The following FUT9 variants were observed in gnomAD, a reference collection of about 807,000 sequenced individuals.
FUT9 encodes 4-galactosyl-N-acetylglucosaminide 3-alpha-L-fucosyltransferase 9.
In FUT9, 15 loss-of-function variants were observed where a neutral mutation model predicts 29.7. The ratio of observed to expected loss-of-function variants is 0.51; its 90% CI spans 0.34 to 0.78. FUT9 has a LOEUF of 0.78. Among genes scored for constraint, FUT9 ranks in the 30% least tolerant of loss-of-function variants. The pLI, the probability that FUT9 is intolerant of heterozygous loss-of-function variation, is 0.01. For synonymous variants in FUT9, 169 were observed against 153.7 expected (o/e 1.10, Z -0.74); for missense variants, 319 against 425.4 (o/e 0.75, Z 2.20).
chr6:96,119,377 C>A lies in FUT9; in HGVS notation c.-9+5250C>A, dbSNP rs540384210. On this transcript the variant is annotated intron_variant, in intron 2 of 2. Coordinates refer to ENST00000302103, the MANE Select transcript of FUT9 (RefSeq NM_006581.4). ...ATGCTATAAGTTTGTAGCCTAGAAA[C>A]AATAGCCTAAGTGTGTAGCAGGCAA... Among the ~76,000 whole-genome samples, 326 of 152,246 alleles carry A rather than the reference C, an allele frequency of 2.1e-3. 4 individuals are homozygous for A. Among genetic ancestry groups the A allele is most frequent in the Middle Eastern group, 6.8e-3 (2 of 294 alleles).
intron 1 of FUT9, among the ~76,000 whole-genome samples, chr6:96,016,558 A>C (rs1405842282): frequency 6.6e-6 from 1 of 151,940 alleles, no homozygotes; most frequent in East Asian, 1.9e-4. Context: ...TTCCCACCTT[A>C]TGCCAGTGCA....
At chr6:96,034,885 T>G (rs1163040980) in intron 1 of FUT9, among the ~76,000 whole-genome samples, 4 of 151,772 alleles carry the variant, frequency 2.6e-5, no homozygotes, top group African/African-American at 9.7e-5. Flanking sequence ...AGATCAGTTT[T>G]GGAACAATGG....
chr6:96,207,067 C>G lies in FUT9; in HGVS notation c.*2832C>G, dbSNP rs1403587291. The G allele has an allele frequency of 6.0e-6, 1 of 166,848 alleles. No individual in the cohort carries two copies. The highest frequency in any genetic ancestry group is 6.6e-5 in the Admixed American group (1 of 15,252). 10.3% of individuals were successfully genotyped at this position (166,848 alleles called of 1,614,324 possible). Reference sequence around the variant, plus strand: ...GAAGAATTAAATGACTCAATGGAACCCTTTAGCTGTGGGTCCATTGATGTG... The same window carrying G: ...GAAGAATTAAATGACTCAATGGAACGCTTTAGCTGTGGGTCCATTGATGTG... On this transcript the variant is annotated 3_prime_UTR_variant, in exon 3 of 3. Coordinates refer to ENST00000302103, the MANE Select transcript of FUT9 (RefSeq NM_006581.4).
At chr6:96,052,828 C>T (rs1770695839) in intron 1 of FUT9, among the ~76,000 whole-genome samples, 1 of 151,854 alleles carries the variant, frequency 6.6e-6, no homozygotes, top group South Asian at 2.1e-4. Flanking sequence ...AATTTGTCAA[C>T]TTTTCTTCAT....
At chr6:96,064,370 G>T (rs2127945369) in intron 1 of FUT9, among the ~76,000 whole-genome samples, 1 of 152,252 alleles carries the variant, frequency 6.6e-6, no homozygotes, top group Non-Finnish European at 1.5e-5. Flanking sequence ...TGTGGAAAAT[G>T]ATGTGTTTTC....
At position 96,203,196 on chromosome 6, in the gene FUT9, T is replaced by C; in HGVS notation, c.41T>C (p.Ile14Thr). Residue 14 changes from isoleucine (I) to threonine (T), a missense_variant, in exon 3 of 3, where the codon ATT becomes ACT. Ile to Thr is a moderately conservative substitution (Grantham distance 89). Coordinates refer to ENST00000302103, the MANE Select transcript of FUT9 (RefSeq NM_006581.4). ...TSKGILRPFL[I>T]VCIILGCFMA... ...AAAGGAATTCTTCGCCCATTTTTAA[T>C]TGTCTGCATTATCCTGGGCTGTTTC... 1 of 1,604,844 alleles carries C rather than the reference T, an allele frequency of 6.2e-7. No individual in the cohort carries two copies. The highest frequency in any genetic ancestry group is 8.5e-7 in the Non-Finnish European group (1 of 1,173,618).
intron 2 of FUT9, among the ~76,000 whole-genome samples, chr6:96,187,093 A>T (rs5009882): frequency 0.91 from 138,730 of 151,796 alleles, 64,695 homozygotes; most frequent in Non-Finnish European, 1. Flanking sequence ...GTTACCAGCC[A>T]AGCCTAATGT....
chr6:96,050,121 A>G (rs961381447), intron 1 of FUT9, among the ~76,000 whole-genome samples: 23 of 152,042 alleles, frequency 1.5e-4, no homozygotes, highest in African/African-American at 5.6e-4. Flanking sequence ...TGCATGCTCC[A>G]TCACCACACT....
At chr6:96,125,014 T>C (rs1403999305) in intron 2 of FUT9, among the ~76,000 whole-genome samples, 2 of 152,154 alleles carry the variant, frequency 1.3e-5, no homozygotes, top group African/African-American at 4.8e-5. Context: ...TCAGACAGAA[T>C]AACAAGAGAC....
At chr6:96,110,815 C>CTATTTTTTTTTTATTTATTTATTTATT (rs11283884) in intron 1 of FUT9, among the ~76,000 whole-genome samples, 5 of 145,046 alleles carry the variant, frequency 3.4e-5, no homozygotes, top group Non-Finnish European at 6.0e-5. Flanking sequence ...ACAAATGTGC[C>CTATTTTTTTTTTATTTATTTATTTATT]TATTTATTTA....
intron 2 of FUT9, among the ~76,000 whole-genome samples, chr6:96,144,349 T>A (rs954450633): frequency 2.0e-5 from 3 of 152,180 alleles, no homozygotes; most frequent in Non-Finnish European, 4.4e-5. Context: ...GGCCATTATA[T>A]CTTCTTTGTG....
intron 2 of FUT9, among the ~76,000 whole-genome samples, chr6:96,160,911 G>A (rs1050715329): frequency 6.6e-6 from 1 of 151,988 alleles, no homozygotes; most frequent in African/African-American, 2.4e-5. Context: ...TATGGGTGAC[G>A]GACAGAAATA....
chr6:96,193,248 C>T (rs1489255790), intron 2 of FUT9, among the ~76,000 whole-genome samples: 3 of 135,814 alleles, frequency 2.2e-5, no homozygotes, highest in Non-Finnish European at 4.7e-5. Context: ...AAAGAAACTA[C>T]CATCAGAGTG....
At chr6:96,168,088 T>C (rs542518763) in intron 2 of FUT9, among the ~76,000 whole-genome samples, 4 of 152,290 alleles carry the variant, frequency 2.6e-5, no homozygotes, top group Admixed American at 6.5e-5. Flanking sequence ...TCAGGTAAGA[T>C]AGAGAAAGAA....
intron 1 of FUT9, among the ~76,000 whole-genome samples, chr6:96,049,771 A>G (rs750417386): frequency 3.9e-5 from 6 of 152,146 alleles, no homozygotes; most frequent in Non-Finnish European, 8.8e-5. Flanking sequence ...TGTTATTTTC[A>G]TTCACAGAAA....
At chr6:96,082,049 T>G (rs1771246075) in intron 1 of FUT9, among the ~76,000 whole-genome samples, 1 of 151,892 alleles carries the variant, frequency 6.6e-6, no homozygotes, top group Non-Finnish European at 1.5e-5. Context: ...AATTCTGTAT[T>G]CTCAACACTA....
chr6:96,155,161 C>T (rs928386393), intron 2 of FUT9, among the ~76,000 whole-genome samples: 5 of 152,078 alleles, frequency 3.3e-5, no homozygotes, highest in African/African-American at 1.2e-4. Context: ...ATGCTCTTAG[C>T]AAGCTTTATA....
chr6:96,074,286 A>AC (rs1490764446), intron 1 of FUT9, among the ~76,000 whole-genome samples: 20 of 152,302 alleles, frequency 1.3e-4, no homozygotes, highest in African/African-American at 4.6e-4. Flanking sequence ...TTGTTAAAAA[A>AC]TAAAACACAG....
intron 1 of FUT9, among the ~76,000 whole-genome samples, chr6:96,056,258 A>T (rs891447425): frequency 2.6e-5 from 4 of 152,202 alleles, no homozygotes; most frequent in African/African-American, 9.7e-5. Context: ...AAATACCCAC[A>T]TATCCTTATT....
Sources: allele counts gnomAD v4.1 joint callset (sites outside exome capture counted in the v4.1 genomes callset), GRCh38; gene constraint gnomAD v4.1.1; transcripts MANE v1.5; gene names NCBI Gene and HGNC (gene_info 2026-07-23, HGNC 2026-07-21).